The following USB1 variants were observed in gnomAD, a reference collection of about 807,000 sequenced individuals.
USB1 encodes the protein U6 snRNA biogenesis phosphodiesterase 1.
In USB1, 21 loss-of-function variants were observed where a neutral mutation model predicts 29.9. The ratio of observed to expected loss-of-function variants is 0.70; its 90% CI spans 0.50 to 1.01. The LOEUF (loss-of-function observed/expected upper bound fraction) is 1.01, where lower values mean the gene tolerates loss of function less well. Among genes scored for constraint, USB1 ranks in the 50% least tolerant of loss-of-function variants. USB1 has a pLI of 0.00. For missense variants in USB1, 330 were observed against 347.1 expected, an observed-to-expected ratio of 0.95 and a Z score of 0.39; for synonymous variants, 143 against 134.9, an observed-to-expected ratio of 1.06 and a Z score of -0.42.
At chr16:58,003,338 G>T (rs1274412226) in intron 2 of USB1, among the ~76,000 whole-genome samples, 1 of 152,184 alleles carries the variant, frequency 6.6e-6, no homozygotes, top group Non-Finnish European at 1.5e-5. Context: ...GAGGTAGGCG[G>T]ATTGACTGAC....
At chr16:58,012,195 A>G (rs912923276) in intron 3 of USB1, 12 of 1,488,952 alleles carry the variant, frequency 8.1e-6, no homozygotes, top group South Asian at 5.2e-5. Flanking sequence ...ATTTGTCCCA[A>G]TCCAGACACT....
In USB1 at chr16:58,020,538, T is replaced by G; in HGVS notation, c.*293T>G. The stretch of plus-strand genomic sequence containing the variant: ...CTCTCTCTCTTCCTCTTCTCTCTCT[T>G]CCCCTCCTGTCTCTCCTCCCCTCCT... On this transcript the variant is annotated 3_prime_UTR_variant, in exon 7 of 7. Coordinates refer to ENST00000219281, the MANE Select transcript of USB1 (RefSeq NM_024598.4). The G allele has an allele frequency of 2.6e-6, 1 of 381,632 alleles. No homozygotes were observed. Among genetic ancestry groups the G allele is most frequent in the Non-Finnish European group, 4.6e-6 (1 of 216,098 alleles). The allele number at this position is 381,632 out of a possible 1,614,324, so 23.6% of individuals were successfully genotyped here.
At chr16:58,018,845 CTT>C in intron 5 of USB1, 125 bp from the exon 6 acceptor site, 1 of 888,452 alleles carries the variant, frequency 1.1e-6, no homozygotes, top group South Asian at 1.4e-5. Flanking sequence ...CACTGAGTAT[CTT>C]GTCTCCCACT....
chr16:58,010,077 G>T lies in USB1; in HGVS notation c.414G>T (p.Val138=). Residue 138 remains valine, a synonymous_variant, in exon 3 of 7, where the codon GTG becomes GTT. Transcript: ENST00000219281. ...GCCACCACTGGATCCTCCCCTTCGT[G>T]CAGGCTCTGAAAGCCCGTATGACCT... The part of the protein sequence containing the change: ...VLRHHWILPF[V]QALKARMTSF... 6.2e-7 allele frequency: 1 copy of T among 1,614,108 alleles called. No individual in the cohort carries two copies.
Position 58,010,957 on chromosome 16 carries a change from G to A in USB1, c.449+845G>A, listed in dbSNP as rs1234543025. The A allele has an allele frequency of 1.0e-5, 7 of 700,222 alleles. No individual in the cohort carries two copies. In the Admixed American group the frequency reaches 1.0e-4, roughly 10 times the overall value. 43.4% of individuals were successfully genotyped at this position (700,222 alleles called of 1,614,324 possible). A position where few individuals can be genotyped will look rare whatever the true frequency, so the allele number is the denominator to read the frequency against. The stretch of plus-strand genomic sequence containing the variant: ...TCTAGCTTCCCTCCCATACCGGGAG[G>A]GTAGGGGGTGGGGCTGAAAGTTCCC... On this transcript the variant is annotated intron_variant, in intron 3 of 6. Transcript: ENST00000219281.
upstream of USB1, among the ~76,000 whole-genome samples, chr16:58,000,813 G>A (rs995797144): frequency 1.3e-5 from 2 of 152,040 alleles, no homozygotes; most frequent in African/African-American, 2.4e-5. The surrounding 1 kb of genome is among the most constrained non-coding windows in gnomAD (Gnocchi z 4.5). Flanking sequence ...GGGCCAGGTC[G>A]GACAAGCCGG....
Position 58,013,618 on chromosome 16 carries a change from G to T in USB1, c.450-655G>T. ...TGATCTGAGGGGTGGGTGGGTGGGGGCATCTGTCTCGATTTCACACCAACA... is the reference window on the plus strand; with the variant it reads ...TGATCTGAGGGGTGGGTGGGTGGGGTCATCTGTCTCGATTTCACACCAACA... On this transcript the variant is annotated intron_variant, in intron 3 of 6. Coordinates refer to ENST00000219281, the MANE Select transcript of USB1 (RefSeq NM_024598.4). This position sits in a 1 kb window ranked among gnomAD's most constrained non-coding sequence, Gnocchi z 4.3. The T allele has an allele frequency of 1.0e-6, 1 of 984,904 alleles. No homozygotes were observed. Among genetic ancestry groups the T allele is most frequent in the South Asian group, 4.7e-5 (1 of 21,312 alleles). The allele number at this position is 984,904 out of a possible 1,614,324, so 61.0% of individuals were successfully genotyped here. A position where few individuals can be genotyped will look rare whatever the true frequency, so the allele number is the denominator to read the frequency against.
chr16:58,012,695 G>T, intron 3 of USB1: 2 of 1,136,676 alleles, frequency 1.8e-6, no homozygotes, highest in South Asian at 2.9e-5. Flanking sequence ...TCCACAGAGA[G>T]TGCTTCCCTT....
intron 3 of USB1, chr16:58,011,201 A>G: frequency 1.3e-6 from 2 of 1,518,346 alleles, no homozygotes; most frequent in Non-Finnish European, 1.8e-6. Context: ...CTGTGTCAGG[A>G]ACTGGAGGCT....
At chr16:58,010,735 C>T (rs1289732491) in intron 3 of USB1, 8 of 444,140 alleles carry the variant, frequency 1.8e-5, no homozygotes, top group Non-Finnish European at 3.3e-5. Context: ...ACATGAACAG[C>T]CAGATGAAGA....
intron 3 of USB1, chr16:58,011,953 C>A: frequency 6.6e-6 from 7 of 1,056,368 alleles, no homozygotes; most frequent in Non-Finnish European, 8.0e-6. Flanking sequence ...AAGAAGCCAC[C>A]CGGCTGATGG....
intron 3 of USB1, chr16:58,012,382 G>T: frequency 6.7e-7 from 1 of 1,485,622 alleles, no homozygotes; most frequent in East Asian, 2.5e-5. Context: ...GAAATTTATA[G>T]GCTGGTATAA....
At chr16:58,012,236 C>G (rs2142305856) in intron 3 of USB1, 1 of 1,529,378 alleles carries the variant, frequency 6.5e-7, no homozygotes, top group Non-Finnish European at 8.8e-7. Context: ...AAACTCATCT[C>G]TCAACCTAGT....
Position 58,013,733 on chromosome 16 carries a change from C to T in USB1, c.450-540C>T, listed in dbSNP as rs1260002480. The T allele has an allele frequency of 7.3e-6, 4 of 547,844 alleles. No homozygotes were observed. Among genetic ancestry groups the T allele is most frequent in the African/African-American group, 4.1e-5 (2 of 48,636 alleles). The allele number at this position is 547,844 out of a possible 1,614,324, so 33.9% of individuals were successfully genotyped here. A position where few individuals can be genotyped will look rare whatever the true frequency, so the allele number is the denominator to read the frequency against. On this transcript the variant is annotated intron_variant, in intron 3 of 6. Transcript: ENST00000219281. The surrounding 1 kb of genome is among the most constrained non-coding windows in gnomAD (Gnocchi z 4.3). The stretch of plus-strand genomic sequence containing the variant: ...TGTTCCAATCCTGGCTCACCAAATT[C>T]AGCTTCACCATGCCTCTGTTTCTTT...
At chr16:58,001,632 C>T (rs1406000476) in intron 1 of USB1, 51 bp downstream of exon 1, 2 of 1,552,970 alleles carry the variant, frequency 1.3e-6, no homozygotes, top group South Asian at 1.2e-5. Context: ...ACCCTAGAGC[C>T]AGACGGGACC....
rs1963708117 is a variant in USB1 at position 58,020,354 on chromosome 16, A to T, written c.*109A>T. 9.6e-7 allele frequency: 1 copy of T among 1,045,020 alleles called. No homozygotes were observed. The highest frequency in any genetic ancestry group is 1.6e-5 in the African/African-American group (1 of 63,506). The allele number at this position is 1,045,020 out of a possible 1,614,324, so 64.7% of individuals were successfully genotyped here. On this transcript the variant is annotated 3_prime_UTR_variant, in exon 7 of 7. Transcript: ENST00000219281. ...AGCCTCCCAGTAGGAGGCCCCAGCC[A>T]TGCCTTCAACCTGGCAGGAGGTGTA...
Position 58,012,404 on chromosome 16 carries a change from A to G in USB1, c.450-1869A>G, listed in dbSNP as rs776211262. 92 of 1,426,100 alleles carry G rather than the reference A, an allele frequency of 6.5e-5. No individual in the cohort carries two copies. The African/African-American group carries it at 9.5e-4, about 15-fold the overall frequency. 88.3% of individuals were successfully genotyped at this position (1,426,100 alleles called of 1,614,324 possible). A position where few individuals can be genotyped will look rare whatever the true frequency, so the allele number is the denominator to read the frequency against. On this transcript the variant is annotated intron_variant, in intron 3 of 6. Coordinates refer to ENST00000219281, the MANE Select transcript of USB1 (RefSeq NM_024598.4). ...ATAGGCTGGTATAACTAAAAGATTC[A>G]GAGGTAGCACTGGCTCATGCATGAG... is the stretch of plus-strand genomic sequence containing the variant.
chr16:58,015,058 A>T (rs1274842796), intron 4 of USB1: 2 of 152,130 alleles, frequency 1.3e-5, no homozygotes, highest in East Asian at 3.9e-4. Flanking sequence ...ATCCTGGGTG[A>T]CAAGAGTGAA....
intron 1 of USB1, 153 bp downstream of exon 1, chr16:58,001,734 T>G: frequency 1.1e-5 from 10 of 936,822 alleles, no homozygotes; most frequent in Non-Finnish European, 1.3e-5. Flanking sequence ...CCAGAAGATA[T>G]ACCCCTCCCC....
Sources: gnomAD v4.1 joint callset for allele counts (sites outside exome capture counted in the v4.1 genomes callset) on GRCh38, gnomAD v4.1.1 for gene constraint, Gnocchi (gnomAD v3.1) non-coding constraint, MANE v1.5 for transcripts, NCBI Gene and HGNC (gene_info 2026-07-23, HGNC 2026-07-21) for gene names.